Variants in CTNNA3 observed in about 807,000 individuals in gnomAD.
CTNNA3 encodes catenin alpha-3.
A neutral mutation model predicts 95.7 loss-of-function variants in CTNNA3; 76 were observed. The observed-to-expected ratio is 0.79, with a 90% CI of 0.66 to 0.96. The LOEUF (loss-of-function observed/expected upper bound fraction) is 0.96, where lower values mean the gene tolerates loss of function less well. CTNNA3 is among the 40% of genes least tolerant of loss of function. CTNNA3 has a pLI of 0.00. For synonymous variants in CTNNA3, 431 were observed against 374.4 expected, an observed-to-expected ratio of 1.15 and a Z score of -1.74; for missense variants, 1,191 against 1,089.8, an observed-to-expected ratio of 1.09 and a Z score of -1.31.
At chr10:67,635,082 A>G (rs764405201) in intron 2 of CTNNA3, among the ~76,000 whole-genome samples, 34 of 152,260 alleles carry the variant, frequency 2.2e-4, no homozygotes, top group Middle Eastern at 3.4e-3. Context: ...AGAAATGGAT[A>G]AACTCCTGGA....
chr10:66,678,917 G>A (rs1405345378), intron 9 of CTNNA3, among the ~76,000 whole-genome samples: 1 of 152,132 alleles, frequency 6.6e-6, no homozygotes, highest in African/African-American at 2.4e-5. Flanking sequence ...CGCATGTAAA[G>A]TAATGTTTAA....
intron 7 of CTNNA3, among the ~76,000 whole-genome samples, chr10:66,853,249 G>A (rs10997413): frequency 0.58 from 88,371 of 151,528 alleles, 26,803 homozygotes; most frequent in African/African-American, 0.64. Context: ...GCAGCAGAGA[G>A]TATATGGCTC....
intron 17 of CTNNA3, among the ~76,000 whole-genome samples, chr10:65,926,118 A>T (rs1309631795): frequency 6.6e-6 from 1 of 150,928 alleles, no homozygotes; most frequent in East Asian, 1.9e-4. Context: ...AAATTTTTCA[A>T]TTGGTAACCT....
intron 11 of CTNNA3, 119 bp downstream of exon 11, chr10:66,520,498 T>C: frequency 1.2e-6 from 1 of 804,068 alleles, no homozygotes; most frequent in Non-Finnish European, 1.8e-6. Flanking sequence ...GTAATCCACC[T>C]GCCTCGGCTT....
chr10:66,985,103 CT>C (rs1370686395), intron 7 of CTNNA3, among the ~76,000 whole-genome samples: 2 of 152,092 alleles, frequency 1.3e-5, no homozygotes, highest in Non-Finnish European at 2.9e-5. Flanking sequence ...AGATATTTTC[CT>C]TATGGCTGCC....
At chr10:67,670,923 A>G (rs1319719599) in intron 1 of CTNNA3, among the ~76,000 whole-genome samples, 1 of 151,910 alleles carries the variant, frequency 6.6e-6, no homozygotes, top group Non-Finnish European at 1.5e-5. Flanking sequence ...TGTATTTCCC[A>G]TCTCTTTCTA....
At chr10:66,661,118 A>T (rs1381563935) in intron 9 of CTNNA3, among the ~76,000 whole-genome samples, 1 of 150,090 alleles carries the variant, frequency 6.7e-6, no homozygotes, top group East Asian at 2.0e-4. Context: ...AAACAATTAG[A>T]TCAGTCATGT....
chr10:66,415,798 C>T (rs931713523), intron 11 of CTNNA3, among the ~76,000 whole-genome samples: 1 of 152,092 alleles, frequency 6.6e-6, no homozygotes, highest in African/African-American at 2.4e-5. Context: ...GAATTGAAAC[C>T]AGAGTTCCCC....
chr10:67,355,182 T>G (rs756384053), intron 5 of CTNNA3, among the ~76,000 whole-genome samples: 3 of 152,038 alleles, frequency 2.0e-5, no homozygotes, highest in Non-Finnish European at 4.4e-5. Flanking sequence ...TACTTATTTT[T>G]ATCAAAAACA....
chr10:66,887,861 G>T (rs1395060203), intron 7 of CTNNA3, among the ~76,000 whole-genome samples: 1 of 152,154 alleles, frequency 6.6e-6, no homozygotes. Flanking sequence ...AGGACAGGAA[G>T]GAGGTTACTC....
At chr10:66,482,330 T>C (rs755569967) in intron 11 of CTNNA3, among the ~76,000 whole-genome samples, 8 of 152,150 alleles carry the variant, frequency 5.3e-5, no homozygotes, top group Non-Finnish European at 1.0e-4. Context: ...TATGACTATC[T>C]TTAACTACCA....
intron 7 of CTNNA3, among the ~76,000 whole-genome samples, chr10:66,841,273 GT>G (rs145050236): frequency 0.041 from 6,261 of 152,156 alleles, 430 homozygotes; most frequent in African/African-American, 0.14. Context: ...GGTTGATACT[GT>G]TTAAAGTATT....
Position 66,585,615 on chromosome 10 carries a change from G to A in CTNNA3, c.1374+36077C>T, listed in dbSNP as rs139886658. On this transcript the variant is annotated intron_variant, in intron 10 of 17. Coordinates refer to ENST00000433211, the MANE Select transcript of CTNNA3 (RefSeq NM_013266.4). The stretch of plus-strand genomic sequence containing the variant: ...CATGTCCTGAATTAAAAAAAATTAT[G>A]TTGGTTTTCAACTTTATGTTAACTT... 1.3e-4 allele frequency among the ~76,000 whole-genome samples: 20 copies of A among 151,808 alleles called. No homozygotes were observed. The East Asian group carries it at 2.5e-3, about 19-fold the overall frequency.
chr10:66,833,868 C>A (rs1269779965), intron 7 of CTNNA3, among the ~76,000 whole-genome samples: 1 of 152,188 alleles, frequency 6.6e-6, no homozygotes, highest in African/African-American at 2.4e-5. Flanking sequence ...TAAACACACA[C>A]ACACACCAGC....
At chr10:66,034,915 A>ATT (rs5785743) in intron 15 of CTNNA3, among the ~76,000 whole-genome samples, 3 of 7,976 alleles carry the variant, frequency 3.8e-4, no homozygotes, top group Non-Finnish European at 9.2e-4. Flanking sequence ...TTACTAAATA[A>ATT]GTTACTAATT....
In CTNNA3 at chr10:65,970,453, A is replaced by C. The variant is rs533849329; in HGVS notation, c.2266-3707T>G. Reference sequence around the variant, plus strand: ...TTATCCTTGAATGTGAATAGCCTAAACCCCCCACTTAAAAGGCACAGAGTG... The same window carrying C: ...TTATCCTTGAATGTGAATAGCCTAACCCCCCCACTTAAAAGGCACAGAGTG... On this transcript the variant is annotated intron_variant, in intron 16 of 17. Coordinates refer to ENST00000433211, the MANE Select transcript of CTNNA3 (RefSeq NM_013266.4). Among the ~76,000 whole-genome samples the C allele has an allele frequency of 7.9e-5, 12 of 151,830 alleles. No individual in the cohort carries two copies. In the East Asian group the frequency reaches 2.3e-3, roughly 29 times the overall value.
At chr10:66,599,668 T>C (rs1315170329) in intron 10 of CTNNA3, among the ~76,000 whole-genome samples, 1 of 151,890 alleles carries the variant, frequency 6.6e-6, no homozygotes, top group African/African-American at 2.4e-5. Context: ...GACCTCAAAG[T>C]GTCTTAGGAA....
rs536326974 is a variant in CTNNA3 at position 66,413,368 on chromosome 10, C to T, written c.1532-34016G>A. Among the ~76,000 whole-genome samples the T allele has an allele frequency of 3.5e-5, 5 of 141,126 alleles. No homozygotes were observed. The East Asian group carries it at 1.1e-3, about 30-fold the overall frequency. 92.6% of individuals were successfully genotyped at this position (141,126 alleles called of 152,430 possible). ...GTATCACATTCAAGTTTAAAAAGCC[C>T]TGCACTAGAAGGTTACATAGTTAAT... On this transcript the variant is annotated intron_variant, in intron 11 of 17. Coordinates refer to ENST00000433211, the MANE Select transcript of CTNNA3 (RefSeq NM_013266.4).
intron 9 of CTNNA3, among the ~76,000 whole-genome samples, chr10:66,647,994 G>A (rs1172010255): frequency 1.3e-5 from 2 of 152,070 alleles, no homozygotes; most frequent in African/African-American, 4.8e-5. Flanking sequence ...TCCCAAAGAT[G>A]CAAGCCCCCT....
Sources: allele counts gnomAD v4.1 joint callset (sites outside exome capture counted in the v4.1 genomes callset), GRCh38; gene constraint gnomAD v4.1.1; transcripts MANE v1.5; gene names NCBI Gene and HGNC (gene_info 2026-07-23, HGNC 2026-07-21).